Variants in ITGAD observed in about 807,000 individuals in gnomAD.
ITGAD encodes the protein integrin subunit alpha D.
A neutral mutation model predicts 139.0 loss-of-function variants in ITGAD; 105 were observed. The ratio of observed to expected loss-of-function variants is 0.76; its 90% CI spans 0.65 to 0.89. The LOEUF (loss-of-function observed/expected upper bound fraction) is 0.89. Ranked by LOEUF, ITGAD falls within the 40% of genes least tolerant of loss-of-function variation. The probability of loss-of-function intolerance (pLI) is 0.00; values close to 1 mark genes in which losing one functional copy is unlikely to be tolerated. For synonymous variants in ITGAD, 569 were observed against 598.3 expected (o/e 0.95, Z 0.71); for missense variants, 1,384 against 1,487.3 (o/e 0.93, Z 1.14).
At chr16:31,397,688 C>CGGGCCACG in intron 4 of ITGAD, 22 bp downstream of exon 4, 1 of 171,664 alleles carries the variant, frequency 5.8e-6, no homozygotes, top group Non-Finnish European at 9.0e-6. Context: ...TCTTGGGCCA[C>CGGGCCACG]GGGGGGGTGG....
intron 2 of ITGAD, among the ~76,000 whole-genome samples, chr16:31,396,656 A>C (rs1410635580): frequency 1.3e-5 from 2 of 152,254 alleles, no homozygotes; most frequent in African/African-American, 4.8e-5. Context: ...AGGAACCCTC[A>C]CATGGCCATT....
In ITGAD at chr16:31,411,217, G is replaced by T. The variant is rs766159515; in HGVS notation, c.1497+1G>T. ...GTCCGTGTGTCCCTTGCCTAGGGGG[G>T]TGAGTGGCTGATGGGACCTAGGCTG... is the stretch of plus-strand genomic sequence containing the variant. On this transcript the variant is annotated splice_donor_variant, in intron 13 of 29. Coordinates refer to ENST00000389202, the MANE Select transcript of ITGAD (RefSeq NM_005353.3). LOFTEE classifies it high-confidence loss of function. 2.1e-5 allele frequency: 34 copies of T among 1,613,110 alleles called. No homozygotes were observed. The highest frequency in any genetic ancestry group is 2.9e-5 in the Non-Finnish European group (34 of 1,179,526).
rs778604123 is a variant in ITGAD, at chr16:31,418,545, G to T, written c.2761G>T (p.Val921Phe). 6.2e-7 allele frequency: 1 copy of T among 1,613,952 alleles called. No individual in the cohort carries two copies. The highest frequency in any genetic ancestry group is 8.5e-7 in the Non-Finnish European group (1 of 1,179,862). Reference sequence around the variant, plus strand: ...GCTGGAGCTCCCGGTGAAGTATGCAGTCTACACCATGATCAGCAGGTGCCC... The same window carrying T: ...GCTGGAGCTCCCGGTGAAGTATGCATTCTACACCATGATCAGCAGGTGCCC... ...FQLELPVKYA[V>F]YTMISRQEES... The change falls in exon 23 of 30, where the codon GTC (valine) becomes TTC (phenylalanine). Residue 921 changes from valine (V) to phenylalanine (F), a missense_variant. Val to Phe is a conservative substitution (Grantham distance 50). Coordinates refer to ENST00000389202, the MANE Select transcript of ITGAD (RefSeq NM_005353.3).
At chr16:31,414,158 T>C (rs2081816195) in intron 16 of ITGAD, among the ~76,000 whole-genome samples, 1 of 152,112 alleles carries the variant, frequency 6.6e-6, no homozygotes, top group South Asian at 2.1e-4. Flanking sequence ...ATCTAATCTA[T>C]CCTCTACCAA....
intron 12 of ITGAD, 42 bp from the exon 13 acceptor site, chr16:31,411,034 T>C: frequency 1.9e-6 from 3 of 1,608,958 alleles, no homozygotes; most frequent in Non-Finnish European, 2.5e-6. Flanking sequence ...CAGGGCTGCC[T>C]CTGGCTGGGA....
At position 31,407,801 on chromosome 16, in the gene ITGAD, G is replaced by A. The variant is rs1449421964; in HGVS notation, c.894G>A (p.Gln298=). 6.2e-7 allele frequency: 1 copy of A among 1,613,994 alleles called. No individual in the cohort carries two copies. The highest frequency in any genetic ancestry group is 2.2e-5 in the East Asian group (1 of 44,872). Residue 298 remains glutamine, a synonymous_variant, in exon 9 of 30, where the codon CAG becomes CAA. Transcript: ENST00000389202. The stretch of plus-strand genomic sequence containing the variant: ...CTTTCCAGGGACCCACTGCCAGGCA[G>A]GAGCTGAATACCATCAGCTCAGCGC... ...GHAFQGPTAR[Q]ELNTISSAPP... is the part of the protein sequence containing the mutation.
intron 2 of ITGAD, among the ~76,000 whole-genome samples, chr16:31,396,103 C>T (rs1356897501): frequency 1.3e-5 from 2 of 152,190 alleles, no homozygotes; most frequent in African/African-American, 2.4e-5. Flanking sequence ...TGGACCCCTT[C>T]TCATCACCCA....
At chr16:31,414,699 T>C (rs2081837945) in intron 17 of ITGAD, 94 bp downstream of exon 17, 2 of 1,573,998 alleles carry the variant, frequency 1.3e-6, no homozygotes, top group South Asian at 2.3e-5. Flanking sequence ...TGGGAAGGGT[T>C]AGGATGTTGG....
In ITGAD at chr16:31,424,141, A is replaced by G. The variant is rs1252327238; in HGVS notation, c.3199A>G (p.Ile1067Val). The G allele has an allele frequency of 1.2e-6, 2 of 1,614,212 alleles. No homozygotes were observed. The highest frequency in any genetic ancestry group is 3.3e-5 in the Admixed American group (2 of 60,022). The change falls in exon 28 of 30, where the codon ATT becomes GTT. Residue 1067 changes from isoleucine to valine, a missense_variant. By Grantham distance (29) the Ile-to-Val change is conservative (BLOSUM62 3). Coordinates refer to ENST00000389202, the MANE Select transcript of ITGAD (RefSeq NM_005353.3). ...GGTGTTGGTCGTGAGTGTGGCTGAA[A>G]TTACGTTCGACACATCCGTGTACTC... ...KKVLVVSVAE[I>V]TFDTSVYSQL... is the part of the protein sequence containing the mutation.
rs141980566 is a variant in ITGAD, at chr16:31,398,920, C to T, written c.427+1011C>T. Among the ~76,000 whole-genome samples the T allele has an allele frequency of 2.3e-3, 350 of 152,246 alleles. 4 individuals are homozygous for T. The highest frequency in any genetic ancestry group is 3.7e-3 in the East Asian group (19 of 5,166). On this transcript the variant is annotated intron_variant, in intron 5 of 29. Coordinates refer to ENST00000389202, the MANE Select transcript of ITGAD (RefSeq NM_005353.3). ...GGAAGGACCTTAGTGTGGTAAAGAA[C>T]GTGGTGAGGAAGATAAATCCATGAG...
At chr16:31,422,825 G>A (rs1051892446) in intron 23 of ITGAD, among the ~76,000 whole-genome samples, 3 of 152,076 alleles carry the variant, frequency 2.0e-5, no homozygotes, top group Non-Finnish European at 2.9e-5. Flanking sequence ...AGCTGAAGCC[G>A]AGGCAGCAAA....
chr16:31,402,380 C>A, intron 6 of ITGAD, 135 bp downstream of exon 6: 1 of 745,844 alleles, frequency 1.3e-6, no homozygotes, highest in Admixed American at 2.7e-5. Context: ...GCTATGGTCC[C>A]AGCACAGGCC....
At position 31,403,533 on chromosome 16, in the gene ITGAD, A is replaced by G. The variant is rs757805219; in HGVS notation, c.592A>G (p.Ile198Val). ...ALMQYSNLLK[I>V]HFTFTQFRTS... The stretch of plus-strand genomic sequence containing the variant: ...GATGCAGTACTCAAACCTCCTGAAG[A>G]TCCACTTCACCTTCACCCAATTCCG... The change falls in exon 7 of 30, where the codon ATC (isoleucine) becomes GTC (valine). Residue 198 changes from isoleucine to valine, a missense_variant. By Grantham distance (29) the Ile-to-Val change is conservative. Transcript: ENST00000389202. The surrounding 1 kb of genome is among the most constrained non-coding windows in gnomAD (Gnocchi z 4.4). 3.1e-6 allele frequency: 5 copies of G among 1,614,112 alleles called. No individual in the cohort carries two copies. The highest frequency in any genetic ancestry group is 4.2e-6 in the Non-Finnish European group (5 of 1,180,026).
At chr16:31,418,408 C>T (rs548020927) in intron 22 of ITGAD, 28 bp downstream of exon 22, 1 of 1,608,908 alleles carries the variant, frequency 6.2e-7, no homozygotes, top group Admixed American at 1.7e-5. Context: ...TATCCCCCAC[C>T]CTCCATCGCA....
chr16:31,399,440 G>A (rs1334597687), intron 5 of ITGAD, among the ~76,000 whole-genome samples: 1 of 152,150 alleles, frequency 6.6e-6, no homozygotes, highest in East Asian at 1.9e-4. Flanking sequence ...CTGACCGAGG[G>A]TGGGGCTTCA....
chr16:31,414,103 CATCT>C (rs1012462412), intron 16 of ITGAD, among the ~76,000 whole-genome samples: 55 of 152,242 alleles, frequency 3.6e-4, no homozygotes, highest in Admixed American at 1.4e-3. Flanking sequence ...TCTAATCTAT[CATCT>C]ATCTACCAAT....
Position 31,403,841 on chromosome 16 carries a change from A to G in ITGAD, c.704+196A>G. 1.6e-6 allele frequency: 1 copy of G among 615,708 alleles called. No homozygotes were observed. Among genetic ancestry groups the G allele is most frequent in the Non-Finnish European group, 2.8e-6 (1 of 356,124 alleles). The allele number at this position is 615,708 out of a possible 1,614,324, so 38.1% of individuals were successfully genotyped here. A position where few individuals can be genotyped will look rare whatever the true frequency, so the allele number is the denominator to read the frequency against. On this transcript the variant is annotated intron_variant, in intron 7 of 29. Transcript: ENST00000389202. This position sits in a 1 kb window ranked among gnomAD's most constrained non-coding sequence, Gnocchi z 4.4. Reference sequence around the variant, plus strand: ...CTGCCAGTCTCCCTGATATAGGACTAGGCTCCTCTGCAGCTATGCCTCCCC... The same window carrying G: ...CTGCCAGTCTCCCTGATATAGGACTGGGCTCCTCTGCAGCTATGCCTCCCC...
intron 17 of ITGAD, 26 bp downstream of exon 17, chr16:31,414,631 G>A: frequency 6.2e-7 from 1 of 1,613,080 alleles, no homozygotes. Context: ...TCTGGGAAGG[G>A]GGAGAGAGGA....
intron 29 of ITGAD, among the ~76,000 whole-genome samples, chr16:31,425,014 C>A (rs1168992671): frequency 6.6e-6 from 1 of 152,172 alleles, no homozygotes; most frequent in Non-Finnish European, 1.5e-5. Context: ...TTGGCTCTAT[C>A]ATGTACTCAC....
Sources: gnomAD v4.1 joint callset for allele counts (sites outside exome capture counted in the v4.1 genomes callset) on GRCh38, gnomAD v4.1.1 for gene constraint, Gnocchi (gnomAD v3.1) non-coding constraint, MANE v1.5 for transcripts, NCBI Gene and HGNC (gene_info 2026-07-23, HGNC 2026-07-21) for gene names.